UNC13A: variants seen among roughly 807,000 people sequenced by gnomAD.
UNC13A encodes the protein protein unc-13 homolog A.
UNC13A carries 61 observed loss-of-function variants against 219.7 expected under a neutral mutation model. The ratio of observed to expected loss-of-function variants is 0.28; its 90% CI spans 0.23 to 0.34. The LOEUF (loss-of-function observed/expected upper bound fraction) is 0.34, where lower values mean the gene tolerates loss of function less well. Among genes scored for constraint, UNC13A ranks in the 10% least tolerant of loss-of-function variants. UNC13A has a pLI of 1.00. For synonymous variants in UNC13A, 920 were observed against 884.6 expected (o/e 1.04, Z -0.71); for missense variants, 1,476 against 2,270.3 (o/e 0.65, Z 7.11).
At chr19:17,670,397 C>T (rs891077510) in intron 4 of UNC13A, among the ~76,000 whole-genome samples, 5 of 152,052 alleles carry the variant, frequency 3.3e-5, no homozygotes, top group Non-Finnish European at 5.9e-5. Flanking sequence ...CGTGCCAGCA[C>T]TCCTGGCTAA....
chr19:17,649,696 C>T lies in UNC13A; in HGVS notation c.1440-109G>A. 1 of 1,262,902 alleles carries T rather than the reference C, an allele frequency of 7.9e-7. No individual in the cohort carries two copies. The highest frequency in any genetic ancestry group is 1.9e-5 in the Admixed American group (1 of 51,294). 78.2% of individuals were successfully genotyped at this position (1,262,902 alleles called of 1,614,324 possible). A position where few individuals can be genotyped will look rare whatever the true frequency, so the allele number is the denominator to read the frequency against. On this transcript the variant is annotated intron_variant, in intron 12 of 43. Coordinates refer to ENST00000519716, the MANE Select transcript of UNC13A (RefSeq NM_001080421.3). The surrounding 1 kb of genome is among the most constrained non-coding windows in gnomAD (Gnocchi z 4.4). ...GGTGTTAAGGGGTTGAATTGGGTCC[C>T]TCAAAAAAAAGATACGCTGATGCCC...
At chr19:17,653,633 G>A (rs2079393791) in intron 11 of UNC13A, among the ~76,000 whole-genome samples, 1 of 151,702 alleles carries the variant, frequency 6.6e-6, no homozygotes, top group Admixed American at 6.6e-5. Flanking sequence ...ACAGGCGTGA[G>A]CCACTGCATC....
At chr19:17,651,033 G>A (rs993026877) in intron 12 of UNC13A, among the ~76,000 whole-genome samples, 3 of 150,902 alleles carry the variant, frequency 2.0e-5, no homozygotes, top group Non-Finnish European at 4.4e-5. Flanking sequence ...TGCCTCCTGG[G>A]TTCAAGCAAT....
chr19:17,607,979 A>G (rs867786885), intron 43 of UNC13A, among the ~76,000 whole-genome samples: 1 of 148,504 alleles, frequency 6.7e-6, no homozygotes, highest in South Asian at 2.1e-4. Context: ...TCCTGGGTTC[A>G]AGCGATTCTC....
intron 7 of UNC13A, among the ~76,000 whole-genome samples, chr19:17,664,642 C>A (rs1236699201): frequency 6.6e-6 from 1 of 152,166 alleles, no homozygotes; most frequent in Non-Finnish European, 1.5e-5. Context: ...CCTGGCCCCG[C>A]CCCCATTGCA....
At chr19:17,647,607 A>G in intron 16 of UNC13A, 115 bp from the exon 17 acceptor site, 1 of 1,000,432 alleles carries the variant, frequency 1.0e-6, no homozygotes, top group Non-Finnish European at 1.5e-6. Context: ...TCACCCCCTG[A>G]AGCCGGTTTC....
Position 17,649,019 on chromosome 19 carries a change from G to A in UNC13A, c.1525-36C>T. On this transcript the variant is annotated intron_variant, in intron 14 of 43. Transcript: ENST00000519716. This position sits in a 1 kb window ranked among gnomAD's most constrained non-coding sequence, Gnocchi z 4.4. ...CACAGAAGAGGGAGTCGGGGGGGTT[G>A]ACATCCATGAGATCACCACCAGGAG... is the stretch of plus-strand genomic sequence containing the variant. 3.8e-6 allele frequency: 6 copies of A among 1,560,182 alleles called. No individual in the cohort carries two copies. The highest frequency in any genetic ancestry group is 5.2e-6 in the Non-Finnish European group (6 of 1,153,854).
At chr19:17,666,378 AT>A (rs113317391) in intron 7 of UNC13A, among the ~76,000 whole-genome samples, 2 of 151,194 alleles carry the variant, frequency 1.3e-5, no homozygotes, top group East Asian at 1.9e-4. Context: ...ATGCCTGTTC[AT>A]TTTTTTTGTA....
intron 12 of UNC13A, 96 bp downstream of exon 12, chr19:17,652,535 C>CCCT: frequency 6.6e-7 from 1 of 1,505,158 alleles, no homozygotes; most frequent in African/African-American, 1.4e-5. Flanking sequence ...TAAATGGAAC[C>CCCT]CCTCCTCCTC....
chr19:17,687,089 C>T (rs990569297), intron 1 of UNC13A, among the ~76,000 whole-genome samples: 16 of 152,312 alleles, frequency 1.1e-4, no homozygotes, highest in Admixed American at 5.9e-4. Flanking sequence ...CCACCCCTGC[C>T]GCCCAAGGTC....
chr19:17,666,901 AGAGAGAGAGAAAGACAG>A (rs2079660512), intron 6 of UNC13A, among the ~76,000 whole-genome samples, 197 bp from the exon 7 acceptor site: 2 of 74,756 alleles, frequency 2.7e-5, no homozygotes, highest in African/African-American at 1.1e-4. Flanking sequence ...AGAGAGAGAG[AGAGAGAGAGAAAGACAG>A]AGACAGAGAC....
At chr19:17,618,579 G>T in intron 39 of UNC13A, 78 bp from the exon 40 acceptor site, 1 of 1,428,746 alleles carries the variant, frequency 7.0e-7, no homozygotes. Context: ...TCTCATCCCT[G>T]TTCAACTTGG....
rs376875029 is a variant in UNC13A at position 17,656,848 on chromosome 19, G to A, written c.768-450C>T. On this transcript the variant is annotated intron_variant, in intron 9 of 43. Coordinates refer to ENST00000519716, the MANE Select transcript of UNC13A (RefSeq NM_001080421.3). ...GCCTGGGCAACAAGAGCGAAATTCC[G>A]TCTCAAAAAAAAAAAAAAAAAAAAA... Among the ~76,000 whole-genome samples the A allele has an allele frequency of 6.1e-3, 337 of 55,392 alleles. 1 individual carries two copies. The highest frequency in any genetic ancestry group is 0.049 in the South Asian group (86 of 1,770). 36.3% of individuals were successfully genotyped at this position (55,392 alleles called of 152,430 possible). A position where few individuals can be genotyped will look rare whatever the true frequency, so the allele number is the denominator to read the frequency against.
chr19:17,638,925 C>G (rs532108018), intron 25 of UNC13A, among the ~76,000 whole-genome samples, 158 bp downstream of exon 25: 54 of 152,122 alleles, frequency 3.5e-4, no homozygotes, highest in African/African-American at 1.2e-3. Flanking sequence ...CTCATGAACT[C>G]TTCTCCCTAA....
At chr19:17,686,462 G>A (rs879829456) in intron 1 of UNC13A, among the ~76,000 whole-genome samples, 1 of 151,888 alleles carries the variant, frequency 6.6e-6, no homozygotes, top group Admixed American at 6.6e-5. Context: ...ACCTTTAAGA[G>A]CCCGGCTACT....
Position 17,688,257 on chromosome 19 carries a change from C to G in UNC13A, c.-58G>C. 1 of 1,416,424 alleles carries G rather than the reference C, an allele frequency of 7.1e-7. No individual in the cohort carries two copies. The allele number at this position is 1,416,424 out of a possible 1,614,324, so 87.7% of individuals were successfully genotyped here. On this transcript the variant is annotated 5_prime_UTR_variant, in exon 1 of 44. It removes the in-frame stop codon of an upstream open reading frame in the 5' UTR. Transcript: ENST00000519716. ...CGGGCCGGCTCTGTCGGGTCGGGCT[C>G]AGCGGCCGCTGGGCTGGGGCATCTC...
chr19:17,644,228 G>A (rs60865940), intron 19 of UNC13A, among the ~76,000 whole-genome samples: 1,545 of 152,094 alleles, frequency 0.01, 28 homozygotes, highest in African/African-American at 0.036. Context: ...TTGCTCTATC[G>A]CCCAGGCTGG....
intron 11 of UNC13A, among the ~76,000 whole-genome samples, chr19:17,654,105 G>A (rs1261929198): frequency 6.6e-6 from 1 of 152,158 alleles, no homozygotes; most frequent in East Asian, 1.9e-4. Flanking sequence ...GGGATTACAG[G>A]CTTGAGCAAC....
chr19:17,616,648 G>T (rs574004683), intron 41 of UNC13A, among the ~76,000 whole-genome samples: 1 of 152,124 alleles, frequency 6.6e-6, no homozygotes, highest in Non-Finnish European at 1.5e-5. Context: ...CAGACAGACG[G>T]AGAGACAGAC....
Sources: gnomAD v4.1 joint callset for allele counts (sites outside exome capture counted in the v4.1 genomes callset) on GRCh38, gnomAD v4.1.1 for gene constraint, Gnocchi (gnomAD v3.1) non-coding constraint, MANE v1.5 for transcripts, NCBI Gene and HGNC (gene_info 2026-07-23, HGNC 2026-07-21) for gene names.